ZNF514: variants seen among roughly 807,000 people sequenced by gnomAD.
The protein encoded by ZNF514 is zinc finger protein 514.
Under a neutral mutation model 9.7 loss-of-function variants are expected in ZNF514, and 12 were observed. The ratio of observed to expected loss-of-function variants is 1.24; its 90% CI spans 0.79 to 2.01. ZNF514 has a LOEUF of 2.01. Ranked by LOEUF, ZNF514 falls within the 30% of genes most tolerant of loss-of-function variation. The probability of loss-of-function intolerance (pLI) is 0.00; values close to 1 mark genes in which losing one functional copy is unlikely to be tolerated. For missense variants in ZNF514, 467 were observed against 465.5 expected (o/e 1.00, Z -0.03); for synonymous variants, 158 against 163.7 (o/e 0.97, Z 0.27).
At chr2:95,140,591 TGAC>T (rs1490877847), downstream of ZNF514, among the ~76,000 whole-genome samples, 1 of 150,734 alleles carries the variant, frequency 6.6e-6, no homozygotes, top group Non-Finnish European at 1.5e-5. Context: ...CCAACCCGGT[TGAC>T]GGAGCAAGAC....
At chr2:95,134,312 G>A in the ZNF514 span, among the ~76,000 whole-genome samples, 1 of 152,068 alleles carries the variant, frequency 6.6e-6, no homozygotes. Flanking sequence ...CTGCACCCTG[G>A]TTATTCGAAC....
At chr2:95,139,093 G>A in the ZNF514 span, among the ~76,000 whole-genome samples, 37 of 152,392 alleles carry the variant, frequency 2.4e-4, no homozygotes, top group East Asian at 7.1e-3. Context: ...GGTGTGCAGA[G>A]TGCAAGAGTG....
downstream of ZNF514, among the ~76,000 whole-genome samples, chr2:95,141,876 C>G (rs1422902112): frequency 6.6e-6 from 1 of 152,220 alleles, no homozygotes; most frequent in Non-Finnish European, 1.5e-5. Flanking sequence ...GTATTCTATA[C>G]ATAGCTGATC....
At chr2:95,123,859 A>G in the ZNF514 span, among the ~76,000 whole-genome samples, 1 of 152,232 alleles carries the variant, frequency 6.6e-6, no homozygotes, top group South Asian at 2.1e-4. Flanking sequence ...TTGATTACTT[A>G]GTCGTTTGTT....
intron 2 of ZNF514, among the ~76,000 whole-genome samples, chr2:95,155,967 A>G (rs549931898): frequency 6.6e-6 from 1 of 152,308 alleles, no homozygotes; most frequent in African/African-American, 2.4e-5. Context: ...GCAGAGTCAC[A>G]GTCAGCCCAC....
intron 2 of ZNF514, 93 bp from the exon 3 acceptor site, chr2:95,153,352 T>C: frequency 7.7e-7 from 1 of 1,303,244 alleles, no homozygotes; most frequent in Non-Finnish European, 1.0e-6. Context: ...GAATCAGGCC[T>C]ACAGAGACAT....
chr2:95,126,093 G>A, the ZNF514 span, among the ~76,000 whole-genome samples: 3 of 152,006 alleles, frequency 2.0e-5, no homozygotes, highest in Admixed American at 1.3e-4. Context: ...ACTGCCAGCC[G>A]GGCATGGTGG....
the ZNF514 span, among the ~76,000 whole-genome samples, chr2:95,124,853 ATG>A: frequency 6.6e-6 from 1 of 151,560 alleles, no homozygotes; most frequent in African/African-American, 2.4e-5. Flanking sequence ...ACATTCATGT[ATG>A]TGATTTTTTG....
intron 1 of ZNF514, 107 bp downstream of exon 1, chr2:95,159,133 C>T: frequency 1.2e-6 from 1 of 822,236 alleles, no homozygotes. Context: ...GCGGCGGGGC[C>T]AGCGGACCTG....
chr2:95,128,100 TAAA>T, the ZNF514 span, among the ~76,000 whole-genome samples: 3 of 152,010 alleles, frequency 2.0e-5, no homozygotes, highest in Non-Finnish European at 2.9e-5. Flanking sequence ...GTTTTTAAAA[TAAA>T]AAATTAGGGC....
At chr2:95,130,825 A>T in the ZNF514 span, among the ~76,000 whole-genome samples, 2 of 152,216 alleles carry the variant, frequency 1.3e-5, no homozygotes, top group Non-Finnish European at 2.9e-5. Context: ...GGGTCCTGGA[A>T]CGATATACAT....
chr2:95,135,119 T>A, the ZNF514 span, among the ~76,000 whole-genome samples: 2 of 152,236 alleles, frequency 1.3e-5, no homozygotes, highest in Non-Finnish European at 2.9e-5. Flanking sequence ...CTTTTCAATT[T>A]CTACAAATAA....
At chr2:95,137,356 C>T in the ZNF514 span, among the ~76,000 whole-genome samples, 1 of 152,116 alleles carries the variant, frequency 6.6e-6, no homozygotes, top group African/African-American at 2.4e-5. Context: ...CCCAAAATGG[C>T]CATGTGGTTG....
intron 1 of ZNF514, 190 bp downstream of exon 1, chr2:95,159,050 G>C: frequency 8.2e-7 from 1 of 1,225,332 alleles, no homozygotes; most frequent in South Asian, 1.4e-5. Context: ...ACAGCCCTGT[G>C]GTCCTCCCGA....
the ZNF514 span, among the ~76,000 whole-genome samples, chr2:95,125,985 A>G: frequency 2.0e-5 from 3 of 152,190 alleles, no homozygotes; most frequent in African/African-American, 7.2e-5. Context: ...CATCATGTAC[A>G]TGATTTTGTG....
At position 95,149,365 on chromosome 2, in the gene ZNF514, A is replaced by G; in HGVS notation, c.1120T>C (p.Cys374Arg). The change falls in exon 5 of 5, where the codon TGT becomes CGT. Residue 374 changes from cysteine (C) to arginine (R), a missense_variant. Cys to Arg is a radical substitution (Grantham distance 180, BLOSUM62 -3). Coordinates refer to ENST00000295208, the MANE Select transcript of ZNF514 (RefSeq NM_032788.3). ...GCAAAGGCCCTTCCACACTCATTAC[A>G]TTTGTAGGGTTTCTCTCCAGTGTGA... The part of the protein sequence containing the change: ...RFHTGEKPYK[C>R]NECGRAFAHT... The G allele has an allele frequency of 6.2e-7, 1 of 1,614,098 alleles. No homozygotes were observed.
chr2:95,125,226 TC>T, the ZNF514 span, among the ~76,000 whole-genome samples: 65 of 144,326 alleles, frequency 4.5e-4, no homozygotes, highest in African/African-American at 1.6e-3. Flanking sequence ...AAAATTGCCA[TC>T]CTTTTTTTTT....
Position 95,159,687 on chromosome 2 carries a change from G to GC in ZNF514, c.-544dup, listed in dbSNP as rs1339294784. 8.3e-5 allele frequency: 6 copies of GC among 72,726 alleles called. No individual in the cohort carries two copies. Among genetic ancestry groups the GC allele is most frequent in the Admixed American group, 1.6e-4 (1 of 6,186 alleles). The allele number at this position is 72,726 out of a possible 1,614,324, so 4.5% of individuals were successfully genotyped here. ...CGCCCGCCACCCCGCGCCAGCCCCCGCGTCCGCCCCGCGCCAGCCCCCGCG... is the reference window on the plus strand; with the variant it reads ...CGCCCGCCACCCCGCGCCAGCCCCCGCCGTCCGCCCCGCGCCAGCCCCCGCG... On this transcript the variant is annotated 5_prime_UTR_variant, in exon 1 of 5. Coordinates refer to ENST00000295208, the MANE Select transcript of ZNF514 (RefSeq NM_032788.3).
the ZNF514 span, among the ~76,000 whole-genome samples, chr2:95,125,325 C>T: frequency 6.6e-6 from 1 of 151,550 alleles, no homozygotes; most frequent in Non-Finnish European, 1.5e-5. Context: ...ACTGCAACCT[C>T]CGCCTCCTGG....
Sources: gnomAD v4.1 joint callset for allele counts (sites outside exome capture counted in the v4.1 genomes callset) on GRCh38, gnomAD v4.1.1 for gene constraint, MANE v1.5 for transcripts, NCBI Gene and HGNC (gene_info 2026-07-23, HGNC 2026-07-21) for gene names.